Variants in SCFD2 observed in about 807,000 individuals in gnomAD.
SCFD2 encodes the protein sec1 family domain containing 2.
SCFD2 carries 54 observed loss-of-function variants against 58.9 expected under a neutral mutation model. The observed-to-expected ratio is 0.92, with a 90% confidence interval of 0.74 to 1.15. SCFD2 has a LOEUF of 1.15. SCFD2 is among the 50% of genes most tolerant of loss of function. The pLI, the probability that SCFD2 is intolerant of heterozygous loss-of-function variation, is 0.00. For synonymous variants in SCFD2, 321 were observed against 335.9 expected (o/e 0.96, Z 0.49); for missense variants, 805 against 836.6 (o/e 0.96, Z 0.47).
At position 53,134,675 on chromosome 4, in the gene SCFD2, T is replaced by C. The variant is rs1055316845; in HGVS notation, c.1561+10658A>G. Among the ~76,000 whole-genome samples the C allele has an allele frequency of 5.9e-5, 9 of 152,368 alleles. No homozygotes were observed. The East Asian group carries it at 7.7e-4, about 13-fold the overall frequency. Reference sequence around the variant, plus strand: ...TTAAATAGCAAAGGAAGCACAGATATAGCTGTAGCTAGAAAACATACCATC... The same window carrying C: ...TTAAATAGCAAAGGAAGCACAGATACAGCTGTAGCTAGAAAACATACCATC... On this transcript the variant is annotated intron_variant, in intron 5 of 8. Transcript: ENST00000401642.
At chr4:53,243,909 T>A (rs1375553387) in intron 4 of SCFD2, among the ~76,000 whole-genome samples, 1 of 152,186 alleles carries the variant, frequency 6.6e-6, no homozygotes, top group Non-Finnish European at 1.5e-5. Flanking sequence ...TTTTCTCATT[T>A]TTAAATTTAT....
rs775676893 is a variant in SCFD2 at position 52,895,092 on chromosome 4, C to A, written c.1843-9226G>T. The stretch of plus-strand genomic sequence containing the variant: ...AACACTGCCTTGCCTAGCTGGACAG[C>A]CAAACATATTTAGGTGGGGTACAGA... On this transcript the variant is annotated intron_variant, in intron 7 of 8. Coordinates refer to ENST00000401642, the MANE Select transcript of SCFD2 (RefSeq NM_152540.4). Among the ~76,000 whole-genome samples, 16 of 152,212 alleles carry A rather than the reference C, an allele frequency of 1.1e-4. 1 individual carries two copies. In the South Asian group the frequency reaches 3.1e-3, roughly 30 times the overall value.
intron 2 of SCFD2, among the ~76,000 whole-genome samples, chr4:53,331,530 G>A (rs1400343863): frequency 2.0e-5 from 3 of 152,170 alleles, no homozygotes. Context: ...CAGCAATAAA[G>A]ATGTTCTTTG....
chr4:53,028,083 C>A (rs1239942112), intron 5 of SCFD2, among the ~76,000 whole-genome samples: 1 of 151,776 alleles, frequency 6.6e-6, no homozygotes, highest in African/African-American at 2.4e-5. Context: ...CTTGTCTCTA[C>A]TAAAAATACA....
chr4:53,313,973 G>GA (rs1045894800), intron 2 of SCFD2, among the ~76,000 whole-genome samples: 1 of 151,868 alleles, frequency 6.6e-6, no homozygotes, highest in Non-Finnish European at 1.5e-5. Context: ...AAAATCAAGT[G>GA]AAAAAAAGGG....
chr4:52,892,648 C>G (rs765297424), intron 7 of SCFD2, among the ~76,000 whole-genome samples: 1 of 152,202 alleles, frequency 6.6e-6, no homozygotes, highest in African/African-American at 2.4e-5. Flanking sequence ...GAAGCTTTCT[C>G]TGACTCCCTG....
intron 5 of SCFD2, among the ~76,000 whole-genome samples, chr4:52,982,471 A>G (rs1228620956): frequency 6.6e-6 from 1 of 152,204 alleles, no homozygotes; most frequent in Non-Finnish European, 1.5e-5. Context: ...AATTACAGCT[A>G]TTACTGATGA....
At chr4:52,914,200 G>A (rs974483866) in intron 6 of SCFD2, among the ~76,000 whole-genome samples, 24 of 152,166 alleles carry the variant, frequency 1.6e-4, no homozygotes, top group African/African-American at 4.6e-4. Flanking sequence ...AAAAATGACC[G>A]CTGGTTGGTA....
chr4:52,908,255 T>G lies in SCFD2; in HGVS notation c.1708-664A>C, dbSNP rs185989518. Among the ~76,000 whole-genome samples, 13 of 152,370 alleles carry G rather than the reference T, an allele frequency of 8.5e-5. No homozygotes were observed. In the East Asian group the frequency reaches 2.1e-3, roughly 25 times the overall value. ...AATTCTGCTAAATGCCTTCCTTTTC[T>G]GTAACCTGAATAACCCGTCCATGTT... is the stretch of plus-strand genomic sequence containing the variant. On this transcript the variant is annotated intron_variant, in intron 6 of 8. Coordinates refer to ENST00000401642, the MANE Select transcript of SCFD2 (RefSeq NM_152540.4).
intron 5 of SCFD2, among the ~76,000 whole-genome samples, chr4:53,041,703 T>G (rs2148824860): frequency 6.6e-6 from 1 of 152,290 alleles, no homozygotes; most frequent in South Asian, 2.1e-4. Flanking sequence ...TTAAGGATGG[T>G]TTGATGTAGC....
rs147698950 is a variant in SCFD2 at position 52,932,540 on chromosome 4, C to CT, written c.1562-11671dup. On this transcript the variant is annotated intron_variant, in intron 5 of 8. Coordinates refer to ENST00000401642, the MANE Select transcript of SCFD2 (RefSeq NM_152540.4). ...GTAAGTATCGGGGGAATAGTAGTGTCTTTTTTTTCATATTTTTGGGGAAGG... is the reference window on the plus strand; with the variant it reads ...GTAAGTATCGGGGGAATAGTAGTGTCTTTTTTTTTCATATTTTTGGGGAAGG... Among the ~76,000 whole-genome samples, 203 of 151,976 alleles carry CT rather than the reference C, an allele frequency of 1.3e-3. 1 individual carries two copies. Among genetic ancestry groups the CT allele is most frequent in the African/African-American group, 3.4e-3 (139 of 41,452 alleles).
intron 7 of SCFD2, among the ~76,000 whole-genome samples, chr4:52,886,794 A>G (rs1718751571): frequency 6.6e-6 from 1 of 152,236 alleles, no homozygotes; most frequent in African/African-American, 2.4e-5. Context: ...GTACCTTATT[A>G]TGTCTCTTTC....
chr4:52,875,028 G>T (rs776169210), intron 8 of SCFD2, among the ~76,000 whole-genome samples: 1 of 152,168 alleles, frequency 6.6e-6, no homozygotes, highest in Non-Finnish European at 1.5e-5. Context: ...AAATAGATAC[G>T]TTTATTTTTC....
At chr4:53,098,376 T>C (rs557237334) in intron 5 of SCFD2, among the ~76,000 whole-genome samples, 2 of 152,336 alleles carry the variant, frequency 1.3e-5, no homozygotes, top group East Asian at 3.9e-4. Flanking sequence ...GGCTATTAAT[T>C]ATTGCTTCAA....
At chr4:53,159,235 G>T (rs1223521099) in intron 4 of SCFD2, among the ~76,000 whole-genome samples, 1 of 152,182 alleles carries the variant, frequency 6.6e-6, no homozygotes, top group South Asian at 2.1e-4. Context: ...ATCTCATTTA[G>T]TCCTCCTAAT....
Position 52,885,850 on chromosome 4 carries a change from G to A in SCFD2, c.1859C>T (p.Pro620Leu). The A allele has an allele frequency of 6.2e-7, 1 of 1,614,126 alleles. No individual in the cohort carries two copies. Among genetic ancestry groups the A allele is most frequent in the Non-Finnish European group, 8.5e-7 (1 of 1,179,972 alleles). The change falls in exon 8 of 9, where the codon CCT becomes CTT. Residue 620 changes from proline to leucine, a missense_variant. Pro to Leu is a moderately conservative substitution (Grantham distance 98, BLOSUM62 -3). This residue lies in a region of SCFD2 where 633 missense variants were observed against 646.8 expected (regional missense o/e 0.98). Transcript: ENST00000401642. ...GAGGATCAGGAGGGGGTAGTCACTA[G>A]GATGAGGCCGGCTCACCTGCAAAAC... ...SMFMKVSRPH[P>L]SDYPLLILFV...
At chr4:53,217,065 G>A (rs1472121719) in intron 4 of SCFD2, among the ~76,000 whole-genome samples, 2 of 152,026 alleles carry the variant, frequency 1.3e-5, no homozygotes, top group South Asian at 2.1e-4. Flanking sequence ...TTTACTTCCA[G>A]CTATGTGGTC....
At chr4:52,980,178 A>T (rs1324679370) in intron 5 of SCFD2, among the ~76,000 whole-genome samples, 1 of 152,210 alleles carries the variant, frequency 6.6e-6, no homozygotes, top group East Asian at 1.9e-4. Flanking sequence ...TGGAAATGAT[A>T]ATGTTGAAGA....
chr4:53,044,911 C>CCCA (rs1722998926), intron 5 of SCFD2, among the ~76,000 whole-genome samples: 1 of 11,380 alleles, frequency 8.8e-5, no homozygotes, highest in African/African-American at 1.4e-4. Context: ...CCCCAACCCC[C>CCCA]CCCCCCCGCC....
Sources: gnomAD v4.1 joint callset for allele counts (sites outside exome capture counted in the v4.1 genomes callset) on GRCh38, gnomAD v4.1.1 for gene constraint, gnomAD v4.1.1 regional missense constraint, MANE v1.5 for transcripts, NCBI Gene and HGNC (gene_info 2026-07-23, HGNC 2026-07-21) for gene names.